The following BTRC variants were observed in gnomAD, a reference collection of about 807,000 sequenced individuals.
BTRC encodes F-box/WD repeat-containing protein 1A.
Under a neutral mutation model 85.5 loss-of-function variants are expected in BTRC, and 42 were observed. The ratio of observed to expected loss-of-function variants is 0.49; its 90% CI spans 0.38 to 0.64. The LOEUF is 0.64. Ranked by LOEUF, BTRC falls within the 30% of genes least tolerant of loss-of-function variation. The pLI is 0.00. For synonymous variants in BTRC, 255 were observed against 263.3 expected, an observed-to-expected ratio of 0.97 and a Z score of 0.30; for missense variants, 594 against 743.5, an observed-to-expected ratio of 0.80 and a Z score of 2.34.
chr10:101,449,087 A>G (rs566162304), intron 2 of BTRC, among the ~76,000 whole-genome samples: 2 of 152,060 alleles, frequency 1.3e-5, no homozygotes, highest in Non-Finnish European at 1.5e-5. Context: ...ACCTAAACAC[A>G]GATCTTAATC....
chr10:101,518,797 C>T (rs2062059534), intron 4 of BTRC, among the ~76,000 whole-genome samples: 1 of 152,164 alleles, frequency 6.6e-6, no homozygotes, highest in South Asian at 2.1e-4. Flanking sequence ...TCCTCATTTC[C>T]TTCATGTCTG....
At chr10:101,454,703 GC>G (rs1945030866) in intron 2 of BTRC, among the ~76,000 whole-genome samples, 1 of 152,090 alleles carries the variant, frequency 6.6e-6, no homozygotes, top group Non-Finnish European at 1.5e-5. Flanking sequence ...GATTACTTGA[GC>G]CCAGGAGTTG....
At chr10:101,490,813 C>T (rs1946110426) in intron 4 of BTRC, among the ~76,000 whole-genome samples, 1 of 152,140 alleles carries the variant, frequency 6.6e-6, no homozygotes, top group Non-Finnish European at 1.5e-5. Context: ...AATCCCAGCA[C>T]TTTGGGAGGC....
chr10:101,366,788 ATTTTTACATT>A (rs1564729646), intron 1 of BTRC, among the ~76,000 whole-genome samples: 1 of 68,850 alleles, frequency 1.5e-5, no homozygotes, highest in East Asian at 3.5e-4. Flanking sequence ...ATATATATAT[ATTTTTACATT>A]TATATATATA....
At chr10:101,357,631 GGTTTAAACAAAT>G (rs1445646207) in intron 1 of BTRC, among the ~76,000 whole-genome samples, 11 of 151,998 alleles carry the variant, frequency 7.2e-5, no homozygotes, top group African/African-American at 2.7e-4. Flanking sequence ...TGATTTCCAT[GGTTTAAACAAAT>G]GTAAAATTAG....
At chr10:101,456,201 A>G (rs758000116) in intron 2 of BTRC, among the ~76,000 whole-genome samples, 93 of 151,798 alleles carry the variant, frequency 6.1e-4, no homozygotes, top group Non-Finnish European at 1.0e-3. Context: ...TTGCCACTCT[A>G]GTGTATAGAA....
At chr10:101,420,107 G>T (rs1314135836) in intron 1 of BTRC, among the ~76,000 whole-genome samples, 2 of 151,114 alleles carry the variant, frequency 1.3e-5, no homozygotes, top group South Asian at 2.1e-4. Context: ...GGAATTTCTC[G>T]GTGTAATACA....
intron 13 of BTRC, among the ~76,000 whole-genome samples, chr10:101,540,646 C>G (rs1011195447): frequency 3.3e-5 from 5 of 152,092 alleles, no homozygotes; most frequent in Admixed American, 6.6e-5. Context: ...AAAAAGTCTG[C>G]TGGGAATGTT....
At chr10:101,535,880 A>G (rs984145825) in intron 11 of BTRC, among the ~76,000 whole-genome samples, 3 of 152,234 alleles carry the variant, frequency 2.0e-5, no homozygotes, top group African/African-American at 4.8e-5. Flanking sequence ...TCCCTTCACA[A>G]AGATGAATGA....
At chr10:101,374,661 T>G in intron 1 of BTRC, among the ~76,000 whole-genome samples, 2 of 140,964 alleles carry the variant, frequency 1.4e-5, no homozygotes, top group Admixed American at 7.1e-5. Flanking sequence ...AGGGATAGCA[T>G]TGGGAGATAT....
intron 1 of BTRC, among the ~76,000 whole-genome samples, chr10:101,417,213 A>G (rs1253168054): frequency 6.6e-6 from 1 of 152,186 alleles, no homozygotes; most frequent in East Asian, 1.9e-4. Flanking sequence ...ATCTCAGTCA[A>G]TGTCCTTTAT....
At chr10:101,484,757 A>C (rs139818342) in intron 4 of BTRC, among the ~76,000 whole-genome samples, 2 of 152,330 alleles carry the variant, frequency 1.3e-5, no homozygotes, top group East Asian at 3.9e-4. Context: ...GTGGAGTATA[A>C]TGTGTTACAC....
intron 1 of BTRC, among the ~76,000 whole-genome samples, chr10:101,390,152 C>T (rs1401795744): frequency 1.3e-5 from 2 of 152,118 alleles, no homozygotes; most frequent in African/African-American, 4.8e-5. Flanking sequence ...TATCCCAGTG[C>T]ATGACATGTG....
intron 3 of BTRC, among the ~76,000 whole-genome samples, chr10:101,470,495 A>G (rs911760442): frequency 6.6e-6 from 1 of 151,842 alleles, no homozygotes; most frequent in African/African-American, 2.4e-5. Context: ...ACCACATGCT[A>G]ATTTTTGTAT....
chr10:101,550,651 G>T, intron 13 of BTRC, 48 bp from the exon 14 acceptor site: 1 of 1,572,142 alleles, frequency 6.4e-7, no homozygotes, highest in South Asian at 1.1e-5. Flanking sequence ...GTGTCCTATT[G>T]ATTTTGAGTA....
At position 101,366,834 on chromosome 10, in the gene BTRC, A is replaced by G. The variant is rs11190965; in HGVS notation, c.48+12606A>G. Among the ~76,000 whole-genome samples, 39 of 85,034 alleles carry G rather than the reference A, an allele frequency of 4.6e-4. 2 individuals carry two copies. Among genetic ancestry groups the G allele is most frequent in the African/African-American group, 1.6e-3 (33 of 21,286 alleles). The allele number at this position is 85,034 out of a possible 152,430, so 55.8% of individuals were successfully genotyped here. ...TTTATATATATTAATATATATTTAT[A>G]TATATTTATGTATATTAATATATAT... is the stretch of plus-strand genomic sequence containing the variant. On this transcript the variant is annotated intron_variant, in intron 1 of 14. Transcript: ENST00000370187.
chr10:101,369,984 G>A (rs943323411), intron 1 of BTRC, among the ~76,000 whole-genome samples: 12 of 152,074 alleles, frequency 7.9e-5, no homozygotes, highest in Admixed American at 3.3e-4. Context: ...CAGATTGCTG[G>A]CCTACACCCT....
rs2062417042 is a variant in BTRC at position 101,538,327 on chromosome 10, G to A, written c.1612G>A (p.Asp538Asn). The A allele has an allele frequency of 6.2e-7, 1 of 1,614,048 alleles. No homozygotes were observed. Among genetic ancestry groups the A allele is most frequent in the East Asian group, 2.2e-5 (1 of 44,880 alleles). The change falls in exon 13 of 15, where the codon GAC becomes AAC. Residue 538 changes from aspartate (D) to asparagine (N), a missense_variant. Transcript: ENST00000370187. The part of the protein sequence containing the change: ...IKVWDLVAAL[D>N]PRAPAGTLCL... ...AGTGTGGGATCTTGTGGCTGCTTTG[G>A]ACCCCCGTGCTCCTGCAGGGACACT...
intron 2 of BTRC, among the ~76,000 whole-genome samples, chr10:101,443,505 A>G (rs189506188): frequency 8.6e-4 from 131 of 152,336 alleles, no homozygotes; most frequent in Non-Finnish European, 4.6e-4. Flanking sequence ...ATACAAAACC[A>G]CTTCAGTAAA....
Sources: gnomAD v4.1 joint callset for allele counts (sites outside exome capture counted in the v4.1 genomes callset) on GRCh38, gnomAD v4.1.1 for gene constraint, MANE v1.5 for transcripts, NCBI Gene and HGNC (gene_info 2026-07-23, HGNC 2026-07-21) for gene names.